The following SEPTIN7 variants were observed in gnomAD, a reference collection of about 807,000 sequenced individuals.
The protein encoded by SEPTIN7 is septin 7, also known as septin-7.
Under a neutral mutation model 63.3 loss-of-function variants are expected in SEPTIN7, and 10 were observed. The ratio of observed to expected loss-of-function variants is 0.16; its 90% CI spans 0.10 to 0.27. The LOEUF (loss-of-function observed/expected upper bound fraction) is 0.27. SEPTIN7 is among the 10% of genes least tolerant of loss of function. The pLI is 1.00. For missense variants in SEPTIN7, 310 were observed against 521.0 expected, an observed-to-expected ratio of 0.59 and a Z score of 3.94; for synonymous variants, 131 against 165.3, an observed-to-expected ratio of 0.79 and a Z score of 1.59.
At chr7:35,837,507 GAAT>G (rs149262606) in intron 3 of SEPTIN7, among the ~76,000 whole-genome samples, 2,241 of 152,126 alleles carry the variant, frequency 0.015, 50 homozygotes, top group African/African-American at 0.05. Flanking sequence ...TATTTTCTTA[GAAT>G]AATAAAGCTT....
intron 4 of SEPTIN7, among the ~76,000 whole-genome samples, chr7:35,869,517 C>G (rs1365653010): frequency 6.6e-6 from 1 of 152,118 alleles, no homozygotes; most frequent in African/African-American, 2.4e-5. Context: ...TAGAGGTAGG[C>G]TCTTGACAGA....
rs1788604080 is a variant in SEPTIN7, at chr7:35,906,262, T to C, written c.*1969T>C. The C allele has an allele frequency of 6.6e-6, 1 of 152,218 alleles. No homozygotes were observed. The highest frequency in any genetic ancestry group is 2.4e-5 in the African/African-American group (1 of 41,466). 9.4% of individuals were successfully genotyped at this position (152,218 alleles called of 1,614,324 possible). A position where few individuals can be genotyped will look rare whatever the true frequency, so the allele number is the denominator to read the frequency against. ...ATTATTCTACCATCCTAATGAAAAC[T>C]TTCAGAAGTCTTTCTTTATCCATGG... On this transcript the variant is annotated 3_prime_UTR_variant, in exon 14 of 14. Coordinates refer to ENST00000350320, the MANE Select transcript of SEPTIN7 (RefSeq NM_001788.6).
chr7:35,882,836 T>C (rs1427539925), intron 8 of SEPTIN7, among the ~76,000 whole-genome samples: 1 of 152,094 alleles, frequency 6.6e-6, no homozygotes, highest in Non-Finnish European at 1.5e-5. Context: ...TCATATTATG[T>C]AATTTTTTTC....
At chr7:35,861,106 A>G (rs1367618117) in intron 3 of SEPTIN7, among the ~76,000 whole-genome samples, 2 of 152,046 alleles carry the variant, frequency 1.3e-5, no homozygotes, top group African/African-American at 2.4e-5. Flanking sequence ...TTGAACCTAT[A>G]TAGTGAAATT....
chr7:35,837,490 TTTTA>T (rs1285441684), intron 3 of SEPTIN7, among the ~76,000 whole-genome samples: 2 of 152,030 alleles, frequency 1.3e-5, no homozygotes, highest in Non-Finnish European at 2.9e-5. Flanking sequence ...TTGCTTCAAT[TTTTA>T]TTTATTTTCT....
At chr7:35,867,851 A>T (rs6462632) in intron 4 of SEPTIN7, among the ~76,000 whole-genome samples, 143,225 of 151,796 alleles carry the variant, frequency 0.94, 68,027 homozygotes, top group East Asian at 1. Flanking sequence ...CCTTTGAAAC[A>T]TTTTATTGGT....
intron 13 of SEPTIN7, among the ~76,000 whole-genome samples, chr7:35,904,018 T>G (rs1348695276): frequency 6.6e-6 from 1 of 152,188 alleles, no homozygotes; most frequent in African/African-American, 2.4e-5. Flanking sequence ...GAGTTTTGCC[T>G]TATTTTTTTA....
intron 3 of SEPTIN7, among the ~76,000 whole-genome samples, chr7:35,833,657 A>G (rs1783943626): frequency 6.6e-6 from 1 of 152,048 alleles, no homozygotes; most frequent in Admixed American, 6.6e-5. Context: ...GTATAGTGTA[A>G]CTTTGTTGTA....
chr7:35,903,517 T>C (rs764287328), intron 13 of SEPTIN7, among the ~76,000 whole-genome samples: 16 of 152,168 alleles, frequency 1.1e-4, no homozygotes, highest in African/African-American at 2.7e-4. Context: ...CCCCCAGTTG[T>C]TGGACATAAG....
intron 4 of SEPTIN7, among the ~76,000 whole-genome samples, chr7:35,868,890 A>T (rs1190320769): frequency 6.6e-6 from 1 of 152,170 alleles, no homozygotes; most frequent in Non-Finnish European, 1.5e-5. Context: ...ATTCAGACAG[A>T]CTGGGAATGG....
At chr7:35,878,827 A>G in intron 6 of SEPTIN7, among the ~76,000 whole-genome samples, 1 of 152,198 alleles carries the variant, frequency 6.6e-6, no homozygotes, top group South Asian at 2.1e-4. Flanking sequence ...AGCCCATGGA[A>G]CACCCAGGTA....
intron 4 of SEPTIN7, among the ~76,000 whole-genome samples, chr7:35,867,348 T>C (rs1785867835): frequency 6.6e-6 from 1 of 152,168 alleles, no homozygotes; most frequent in Non-Finnish European, 1.5e-5. Flanking sequence ...TGAAAATTTT[T>C]ATATTTATTT....
intron 13 of SEPTIN7, among the ~76,000 whole-genome samples, chr7:35,903,828 T>C (rs910662875): frequency 9.8e-5 from 15 of 152,338 alleles, no homozygotes; most frequent in African/African-American, 3.1e-4. Flanking sequence ...ACATTTGTTC[T>C]ACTACACTAC....
At chr7:35,831,831 A>T (rs773998861) in intron 2 of SEPTIN7, 9 of 257,504 alleles carry the variant, frequency 3.5e-5, no homozygotes, top group African/African-American at 4.7e-5. Context: ...TTCTTTGTTA[A>T]ATCCAAATGT....
At chr7:35,814,320 T>C (rs1192875692) in intron 1 of SEPTIN7, among the ~76,000 whole-genome samples, 4 of 152,342 alleles carry the variant, frequency 2.6e-5, no homozygotes, top group East Asian at 3.9e-4. Context: ...CTCATTCTTA[T>C]AGATTTGTAG....
intron 7 of SEPTIN7, 93 bp from the exon 8 acceptor site, chr7:35,882,391 C>T (rs1786938938): frequency 1.1e-6 from 1 of 923,532 alleles, no homozygotes; most frequent in East Asian, 3.7e-5. Context: ...GAACCAAGGA[C>T]CCATATAGGA....
chr7:35,912,642 T>G, the SEPTIN7 span, among the ~76,000 whole-genome samples: 4 of 152,182 alleles, frequency 2.6e-5, no homozygotes, highest in Non-Finnish European at 4.4e-5. Flanking sequence ...CTCTTTGCCT[T>G]GAAAGCAGGT....
At chr7:35,892,174 A>G (rs1385610430) in intron 11 of SEPTIN7, among the ~76,000 whole-genome samples, 1 of 152,212 alleles carries the variant, frequency 6.6e-6, no homozygotes, top group Non-Finnish European at 1.5e-5. Flanking sequence ...CTGAAGGATC[A>G]ACTATATAAA....
chr7:35,908,777 G>T (rs1788684201), downstream of SEPTIN7, among the ~76,000 whole-genome samples: 1 of 152,202 alleles, frequency 6.6e-6, no homozygotes, highest in Non-Finnish European at 1.5e-5. Flanking sequence ...CGGGAGATTT[G>T]CACGTAAGTA....
Sources: gnomAD v4.1 joint callset for allele counts (sites outside exome capture counted in the v4.1 genomes callset) on GRCh38, gnomAD v4.1.1 for gene constraint, MANE v1.5 for transcripts, NCBI Gene and HGNC (gene_info 2026-07-23, HGNC 2026-07-21) for gene names.